NTM: variants seen among roughly 807,000 people sequenced by gnomAD.
NTM encodes neurotrimin.
NTM carries 13 observed loss-of-function variants against 42.1 expected under a neutral mutation model. That is an observed-to-expected ratio of 0.31 (90% CI 0.20 to 0.49). The LOEUF is 0.49. Among genes scored for constraint, NTM ranks in the 20% least tolerant of loss-of-function variants. NTM has a pLI of 0.99. For missense variants in NTM, 373 were observed against 452.8 expected, an observed-to-expected ratio of 0.82 and a Z score of 1.60; for synonymous variants, 187 against 179.2, an observed-to-expected ratio of 1.04 and a Z score of -0.35.
chr11:131,614,710 T>C (rs549739866), intron 1 of NTM, among the ~76,000 whole-genome samples: 4 of 152,354 alleles, frequency 2.6e-5, no homozygotes, highest in African/African-American at 9.6e-5. Flanking sequence ...ACAACTGCCA[T>C]TGTCTGTCTC....
intron 2 of NTM, among the ~76,000 whole-genome samples, chr11:132,076,618 CGACTTAA>C (rs980457395): frequency 1.3e-5 from 2 of 152,088 alleles, no homozygotes; most frequent in African/African-American, 4.8e-5. Flanking sequence ...TGGTAAAGAA[CGACTTAA>C]GACTTAAGAG....
chr11:132,320,582 G>A (rs1385978132), intron 7 of NTM, among the ~76,000 whole-genome samples: 4 of 152,208 alleles, frequency 2.6e-5, no homozygotes, highest in Non-Finnish European at 5.9e-5. Context: ...ACTGCAAGGT[G>A]GCAGTGAGGC....
chr11:131,862,018 G>T (rs1478210422), intron 1 of NTM, among the ~76,000 whole-genome samples: 5 of 152,198 alleles, frequency 3.3e-5, no homozygotes, highest in South Asian at 2.1e-4. Flanking sequence ...TCTTAGTGCG[G>T]TCTCAAGGAC....
chr11:132,023,928 C>T (rs898249135), intron 2 of NTM, among the ~76,000 whole-genome samples: 3 of 151,980 alleles, frequency 2.0e-5, no homozygotes, highest in Non-Finnish European at 2.9e-5. Flanking sequence ...AAGCAATTCT[C>T]CTGCCTCAGC....
chr11:132,302,791 G>A (rs962144141), intron 4 of NTM, among the ~76,000 whole-genome samples: 1 of 152,200 alleles, frequency 6.6e-6, no homozygotes, highest in African/African-American at 2.4e-5. Context: ...GAGGCCTGGT[G>A]TGCTCCATCA....
chr11:132,180,556 T>C (rs2077417804), intron 3 of NTM, among the ~76,000 whole-genome samples: 1 of 152,128 alleles, frequency 6.6e-6, no homozygotes, highest in Non-Finnish European at 1.5e-5. Flanking sequence ...TCACAGGTTT[T>C]CAAGTCTAGA....
intron 2 of NTM, among the ~76,000 whole-genome samples, chr11:132,011,298 G>A (rs2072127266): frequency 6.6e-6 from 1 of 152,098 alleles, no homozygotes; most frequent in African/African-American, 2.4e-5. Flanking sequence ...TTAACTTGAA[G>A]TATAAATAAA....
intron 1 of NTM, among the ~76,000 whole-genome samples, chr11:131,493,811 G>T (rs141157184): frequency 6.6e-6 from 1 of 152,260 alleles, no homozygotes; most frequent in African/African-American, 2.4e-5. Context: ...ACCAGTACTA[G>T]AATTTCATTT....
At chr11:131,948,116 C>T (rs1168736246) in intron 2 of NTM, among the ~76,000 whole-genome samples, 1 of 152,066 alleles carries the variant, frequency 6.6e-6, no homozygotes, top group African/African-American at 2.4e-5. Context: ...AATCCCAGCA[C>T]TTTGGGAGGC....
At chr11:131,838,837 C>T (rs1040068488) in intron 1 of NTM, among the ~76,000 whole-genome samples, 1 of 152,078 alleles carries the variant, frequency 6.6e-6, no homozygotes, top group Non-Finnish European at 1.5e-5. Flanking sequence ...TACTGTGTAC[C>T]AGGTATTCTT....
At chr11:131,680,739 G>A (rs1260807733) in intron 1 of NTM, among the ~76,000 whole-genome samples, 1 of 151,884 alleles carries the variant, frequency 6.6e-6, no homozygotes, top group African/African-American at 2.4e-5. Flanking sequence ...ATAGGCATGT[G>A]TGCCTCTGTG....
At chr11:131,999,098 A>T (rs1286569508) in intron 2 of NTM, among the ~76,000 whole-genome samples, 3 of 152,074 alleles carry the variant, frequency 2.0e-5, no homozygotes, top group Admixed American at 6.6e-5. Context: ...TGGAAGTTTA[A>T]CCATTACCAT....
At chr11:131,881,337 A>G (rs1228006591) in intron 1 of NTM, among the ~76,000 whole-genome samples, 1 of 152,196 alleles carries the variant, frequency 6.6e-6, no homozygotes, top group African/African-American at 2.4e-5. Context: ...AGTGAAAGGT[A>G]CATGGATTTG....
intron 4 of NTM, among the ~76,000 whole-genome samples, chr11:132,220,108 G>C (rs1351683657): frequency 6.6e-6 from 1 of 152,178 alleles, no homozygotes; most frequent in East Asian, 1.9e-4. Context: ...AAAAATAATT[G>C]CATCATAATG....
chr11:131,559,429 C>T (rs2055919174), intron 1 of NTM, among the ~76,000 whole-genome samples: 1 of 152,176 alleles, frequency 6.6e-6, no homozygotes, highest in East Asian at 1.9e-4. Context: ...TTCTCCACTC[C>T]TTTTTTCCCA....
intron 1 of NTM, among the ~76,000 whole-genome samples, chr11:131,687,825 G>A (rs576762110): frequency 2.6e-5 from 4 of 152,196 alleles, no homozygotes; most frequent in African/African-American, 9.6e-5. Flanking sequence ...GGCCTCTGCT[G>A]TAGATCTTTG....
intron 4 of NTM, among the ~76,000 whole-genome samples, chr11:132,229,738 A>G (rs879866377): frequency 2.6e-5 from 4 of 152,158 alleles, no homozygotes; most frequent in Non-Finnish European, 5.9e-5. Context: ...GTCATGTTAT[A>G]TGGCCCAGAG....
At chr11:132,183,882 G>C (rs1157310088) in intron 3 of NTM, among the ~76,000 whole-genome samples, 1 of 151,734 alleles carries the variant, frequency 6.6e-6, no homozygotes, top group African/African-American at 2.4e-5. Context: ...CAGTCCTTTG[G>C]CTCTTTGTCT....
intron 1 of NTM, among the ~76,000 whole-genome samples, chr11:131,814,445 C>G (rs774672240): frequency 1.2e-4 from 18 of 152,174 alleles, no homozygotes; most frequent in Non-Finnish European, 2.6e-4. Flanking sequence ...TGATCACACT[C>G]AAGTGTTGTC....
Sources: allele counts gnomAD v4.1 joint callset (sites outside exome capture counted in the v4.1 genomes callset), GRCh38; gene constraint gnomAD v4.1.1; transcripts MANE v1.5; gene names NCBI Gene and HGNC (gene_info 2026-07-23, HGNC 2026-07-21).